The following RAB11FIP3 variants were observed in gnomAD, a reference collection of about 807,000 sequenced individuals.
RAB11FIP3 encodes the protein RAB11 family interacting protein 3.
In RAB11FIP3, 17 loss-of-function variants were observed where a neutral mutation model predicts 77.8. The ratio of observed to expected loss-of-function variants is 0.22; its 90% CI spans 0.15 to 0.33. RAB11FIP3 has a LOEUF of 0.33. RAB11FIP3 is among the 10% of genes least tolerant of loss of function. The pLI, the probability that RAB11FIP3 is intolerant of heterozygous loss-of-function variation, is 1.00. For missense variants in RAB11FIP3, 1,005 were observed against 1,011.2 expected, an observed-to-expected ratio of 0.99 and a Z score of 0.08; for synonymous variants, 437 against 448.2, an observed-to-expected ratio of 0.98 and a Z score of 0.31.
intron 1 of RAB11FIP3, chr16:453,601 T>A (rs1777987673): frequency 1.3e-5 from 2 of 151,400 alleles, no homozygotes; most frequent in African/African-American, 4.9e-5. Context: ...TTTTTTTTTT[T>A]TTTTTTGAAG....
chr16:515,036 AG>A (rs2032338727), intron 9 of RAB11FIP3, among the ~76,000 whole-genome samples: 1 of 152,108 alleles, frequency 6.6e-6, no homozygotes, highest in Non-Finnish European at 1.5e-5. Context: ...ATGAAAGGAG[AG>A]AAGTCAGAAA....
At chr16:454,012 A>G (rs2055454642) in intron 1 of RAB11FIP3, among the ~76,000 whole-genome samples, 1 of 152,194 alleles carries the variant, frequency 6.6e-6, no homozygotes, top group African/African-American at 2.4e-5. Context: ...CAATTTAGAG[A>G]TAAACACACC....
chr16:460,987 T>G (rs899329433), intron 1 of RAB11FIP3, among the ~76,000 whole-genome samples: 1 of 150,382 alleles, frequency 6.6e-6, no homozygotes, highest in African/African-American at 2.5e-5. Context: ...TCTTTGCATG[T>G]GGTGAAAAAG....
At chr16:492,269 A>G (rs2141789129) in intron 5 of RAB11FIP3, among the ~76,000 whole-genome samples, 1 of 151,164 alleles carries the variant, frequency 6.6e-6, no homozygotes, top group South Asian at 2.1e-4. Context: ...GGTGGAGAGG[A>G]TGGGGGTGGG....
At position 496,923 on chromosome 16, in the gene RAB11FIP3, A is replaced by T. The variant is rs1026532864; in HGVS notation, c.1301+64A>T. 12 of 1,448,208 alleles carry T rather than the reference A, an allele frequency of 8.3e-6. No individual in the cohort carries two copies. In the African/African-American group the frequency reaches 1.0e-4, roughly 12 times the overall value. The allele number at this position is 1,448,208 out of a possible 1,614,324, so 89.7% of individuals were successfully genotyped here. Reference sequence around the variant, plus strand: ...AGTGGATAATTAATCATAGTTTTTTAAAAAACATTTTAAAATGTTCTTTTC... The same window carrying T: ...AGTGGATAATTAATCATAGTTTTTTTAAAAACATTTTAAAATGTTCTTTTC... On this transcript the variant is annotated intron_variant, in intron 6 of 13. Coordinates refer to ENST00000262305, the MANE Select transcript of RAB11FIP3 (RefSeq NM_014700.4).
chr16:461,544 G>C lies in RAB11FIP3; in HGVS notation c.808+47G>C. ...CTCCCACCTCCTCTCCCGTTCCTCA[G>C]CCACCCTCTCAGCCACCTGCACATC... On this transcript the variant is annotated intron_variant, in intron 2 of 13. Transcript: ENST00000262305. This position sits in a 1 kb window ranked among gnomAD's most constrained non-coding sequence, Gnocchi z 4.5. The C allele has an allele frequency of 7.9e-6, 12 of 1,517,710 alleles. No individual in the cohort carries two copies. Among genetic ancestry groups the C allele is most frequent in the Non-Finnish European group, 1.1e-5 (12 of 1,094,982 alleles). The allele number at this position is 1,517,710 out of a possible 1,614,324, so 94.0% of individuals were successfully genotyped here. A position where few individuals can be genotyped will look rare whatever the true frequency, so the allele number is the denominator to read the frequency against.
intron 4 of RAB11FIP3, among the ~76,000 whole-genome samples, chr16:487,108 C>T (rs908262822): frequency 6.6e-6 from 1 of 150,448 alleles, no homozygotes; most frequent in Non-Finnish European, 1.5e-5. Flanking sequence ...CATGAAGTGG[C>T]ACAGGCCTCC....
In RAB11FIP3 at chr16:482,529, A is replaced by G. The variant is rs551916328; in HGVS notation, c.908A>G (p.Asn303Ser). The G allele has an allele frequency of 4.3e-6, 7 of 1,613,452 alleles. No individual in the cohort carries two copies. Among genetic ancestry groups the G allele is most frequent in the Admixed American group, 1.7e-5 (1 of 60,024 alleles). The change falls in exon 4 of 14, where the codon AAC (asparagine) becomes AGC (serine). Residue 303 changes from asparagine (N) to serine (S), a missense_variant. Asn to Ser is a conservative substitution (Grantham distance 46). Transcript: ENST00000262305. ...EFDDFVTYEA[N>S]EVTDSAYMGS... Reference sequence around the variant, plus strand: ...TGCTGGCGCACTCTCTCCTAGGCCAACGAGGTGACGGACAGCGCGTACATG... The same window carrying G: ...TGCTGGCGCACTCTCTCCTAGGCCAGCGAGGTGACGGACAGCGCGTACATG...
chr16:462,075 G>A (rs911638200), intron 2 of RAB11FIP3, among the ~76,000 whole-genome samples: 2 of 152,218 alleles, frequency 1.3e-5, no homozygotes, highest in Admixed American at 6.5e-5. Context: ...TGTGAGCTCC[G>A]ACAGAGTCCT....
chr16:449,548 A>G (rs1011256578), intron 1 of RAB11FIP3, among the ~76,000 whole-genome samples: 1 of 150,690 alleles, frequency 6.6e-6, no homozygotes, highest in African/African-American at 2.4e-5. Context: ...CAGGAGGCTG[A>G]GGTGGGAGGA....
intron 1 of RAB11FIP3, among the ~76,000 whole-genome samples, chr16:457,499 T>C (rs1031071437): frequency 2.7e-5 from 4 of 150,436 alleles, no homozygotes; most frequent in African/African-American, 9.9e-5. Flanking sequence ...GTCTCATTTT[T>C]CACAGTTTCA....
rs111800257 is a variant in RAB11FIP3 at position 508,793 on chromosome 16, G to A, written c.1500-1867G>A. On this transcript the variant is annotated intron_variant, in intron 8 of 13. Coordinates refer to ENST00000262305, the MANE Select transcript of RAB11FIP3 (RefSeq NM_014700.4). ...CTGAACATCTGCTAGTCACACAGTG[G>A]GCCTTCTGGATGTTTCCTCTCCTTT... Among the ~76,000 whole-genome samples the A allele has an allele frequency of 7.6e-3, 1,149 of 152,040 alleles. 16 individuals are homozygous for A. The highest frequency in any genetic ancestry group is 0.026 in the African/African-American group (1,078 of 41,446).
chr16:457,026 C>T (rs1001744252), intron 1 of RAB11FIP3, among the ~76,000 whole-genome samples: 2 of 151,954 alleles, frequency 1.3e-5, no homozygotes, highest in South Asian at 4.2e-4. Context: ...GCTTCGGGAA[C>T]TCCTAGGAAC....
intron 1 of RAB11FIP3, among the ~76,000 whole-genome samples, chr16:446,557 C>T (rs1221928956): frequency 1.3e-5 from 2 of 152,344 alleles, no homozygotes; most frequent in South Asian, 2.1e-4. Flanking sequence ...TCTCATCCTT[C>T]ACAGTAGAAG....
At chr16:429,068 T>C (rs1304745850) in intron 1 of RAB11FIP3, among the ~76,000 whole-genome samples, 1 of 152,134 alleles carries the variant, frequency 6.6e-6, no homozygotes, top group Non-Finnish European at 1.5e-5. Context: ...TTGGGCCGGC[T>C]TCCTGGGATG....
In RAB11FIP3 at chr16:425,839, G is replaced by T; in HGVS notation, c.-168G>T. On this transcript the variant is annotated 5_prime_UTR_variant, in exon 1 of 14. Coordinates refer to ENST00000262305, the MANE Select transcript of RAB11FIP3 (RefSeq NM_014700.4). ...CCGGGCCGAGGGCAGCTGAGGCGCG[G>T]TGCGAAGATGGGCGAGGACAGAGCA... The T allele has an allele frequency of 3.4e-6, 1 of 296,448 alleles. No homozygotes were observed. 18.4% of individuals were successfully genotyped at this position (296,448 alleles called of 1,614,324 possible). A position where few individuals can be genotyped will look rare whatever the true frequency, so the allele number is the denominator to read the frequency against.
chr16:467,273 G>A (rs1270199119), intron 2 of RAB11FIP3, among the ~76,000 whole-genome samples: 2 of 152,186 alleles, frequency 1.3e-5, no homozygotes, highest in Non-Finnish European at 2.9e-5. Context: ...GTGAGAGGCA[G>A]GCCTCACAAT....
chr16:475,083 G>A (rs1596246723), intron 3 of RAB11FIP3: 15 of 1,551,362 alleles, frequency 9.7e-6, no homozygotes, highest in East Asian at 7.3e-5. Flanking sequence ...GAGGCCACCC[G>A]GGCCAGCATC....
chr16:485,431 A>T (rs978185432), intron 4 of RAB11FIP3, among the ~76,000 whole-genome samples: 1 of 151,536 alleles, frequency 6.6e-6, no homozygotes, highest in Non-Finnish European at 1.5e-5. Context: ...TTTTTTTGTC[A>T]AGATGGAGTC....
Sources: allele counts gnomAD v4.1 joint callset (sites outside exome capture counted in the v4.1 genomes callset), GRCh38; gene constraint gnomAD v4.1.1; non-coding constraint Gnocchi (gnomAD v3.1); transcripts MANE v1.5; gene names NCBI Gene and HGNC (gene_info 2026-07-23, HGNC 2026-07-21).